Variants in TMEM161B observed in about 807,000 individuals in gnomAD.
TMEM161B encodes the protein transmembrane protein 161B.
In TMEM161B, 34 loss-of-function variants were observed where a neutral mutation model predicts 61.8. That is an observed-to-expected ratio of 0.55 (90% CI 0.42 to 0.73). The LOEUF (loss-of-function observed/expected upper bound fraction) is 0.73, where lower values mean the gene tolerates loss of function less well. Ranked by LOEUF, TMEM161B falls within the 30% of genes least tolerant of loss-of-function variation. The probability of loss-of-function intolerance (pLI) is 0.00; values close to 1 mark genes in which losing one functional copy is unlikely to be tolerated. For missense variants in TMEM161B, 456 were observed against 558.5 expected (o/e 0.82, Z 1.85); for synonymous variants, 167 against 192.8 (o/e 0.87, Z 1.11).
intron 5 of TMEM161B, among the ~76,000 whole-genome samples, chr5:88,219,846 A>G (rs1748589759): frequency 6.6e-6 from 1 of 152,204 alleles, no homozygotes; most frequent in Non-Finnish European, 1.5e-5. Flanking sequence ...TCTGCAAAAA[A>G]GAAAAAGAAT....
chr5:88,266,494 T>G (rs1258277388), intron 1 of TMEM161B, among the ~76,000 whole-genome samples: 1 of 152,202 alleles, frequency 6.6e-6, no homozygotes, highest in African/African-American at 2.4e-5. Context: ...AGTCATGGAA[T>G]CATAAATTTA....
chr5:88,212,919 TAG>T (rs1255198868), intron 5 of TMEM161B, among the ~76,000 whole-genome samples: 3 of 152,226 alleles, frequency 2.0e-5, no homozygotes, highest in Non-Finnish European at 4.4e-5. Flanking sequence ...GGAATAAACA[TAG>T]AGATTTCTCA....
chr5:88,242,331 A>T (rs1028478733), intron 1 of TMEM161B, among the ~76,000 whole-genome samples: 1 of 151,798 alleles, frequency 6.6e-6, no homozygotes, highest in Non-Finnish European at 1.5e-5. Context: ...TCTCAGCAGT[A>T]TCCTACATGG....
At chr5:88,223,909 A>C (rs111584749) in intron 4 of TMEM161B, among the ~76,000 whole-genome samples, 24 of 152,122 alleles carry the variant, frequency 1.6e-4, no homozygotes, top group East Asian at 1.5e-3. Flanking sequence ...AAAAAAAAAA[A>C]CAGTCTAAAT....
intron 11 of TMEM161B, 147 bp downstream of exon 11, chr5:88,197,522 C>T (rs1448711743): frequency 1.5e-6 from 1 of 657,984 alleles, no homozygotes; most frequent in Admixed American, 3.0e-5. Context: ...AATCACCTTC[C>T]ACAGCTAAAA....
intron 4 of TMEM161B, among the ~76,000 whole-genome samples, chr5:88,223,240 GAA>G (rs890504204): frequency 7.6e-6 from 1 of 131,520 alleles, no homozygotes; most frequent in Non-Finnish European, 1.7e-5. Context: ...AATGAGTTAA[GAA>G]AAAAAAAAAA....
At chr5:88,224,959 GT>G (rs202011902) in intron 4 of TMEM161B, among the ~76,000 whole-genome samples, 1 of 101,202 alleles carries the variant, frequency 9.9e-6, no homozygotes, top group Non-Finnish European at 1.9e-5. Context: ...CACAAAATAT[GT>G]TTTTGTTTTT....
At chr5:88,243,403 C>T (rs538015748) in intron 1 of TMEM161B, among the ~76,000 whole-genome samples, 12 of 151,968 alleles carry the variant, frequency 7.9e-5, no homozygotes, top group African/African-American at 2.6e-4. Flanking sequence ...ATCCATGTTG[C>T]TTCAAAGGAA....
intron 7 of TMEM161B, 151 bp downstream of exon 7, chr5:88,206,288 G>A: frequency 1.5e-6 from 1 of 663,026 alleles, no homozygotes; most frequent in Non-Finnish European, 2.5e-6. Flanking sequence ...ACTTTATATA[G>A]TCATAAAAAT....
chr5:88,199,918 G>A (rs1172214445), intron 9 of TMEM161B: 1 of 152,024 alleles, frequency 6.6e-6, no homozygotes, highest in Non-Finnish European at 1.5e-5. Context: ...TGAATGTAGT[G>A]ACTAGACCAC....
downstream of TMEM161B, chr5:88,190,370 T>C (rs1239178466): frequency 1.5e-6 from 1 of 656,986 alleles, no homozygotes; most frequent in Non-Finnish European, 2.8e-6. Flanking sequence ...CCTAGATGGG[T>C]GGTTTCATGC....
chr5:88,238,368 A>G (rs1300018676), intron 2 of TMEM161B, among the ~76,000 whole-genome samples: 1 of 152,064 alleles, frequency 6.6e-6, no homozygotes, highest in African/African-American at 2.4e-5. Flanking sequence ...TTTATTTACA[A>G]TTTAGGATAC....
At chr5:88,249,954 T>C (rs1754113848) in intron 1 of TMEM161B, among the ~76,000 whole-genome samples, 1 of 152,148 alleles carries the variant, frequency 6.6e-6, no homozygotes, top group South Asian at 2.1e-4. Flanking sequence ...AACAAAGTTT[T>C]AACTAACCAA....
rs367948167 is a variant in TMEM161B, at chr5:88,226,541, T to C, written c.192-675A>G. 1.2e-3 allele frequency among the ~76,000 whole-genome samples: 188 copies of C among 152,304 alleles called. 1 individual carries two copies. Among genetic ancestry groups the C allele is most frequent in the African/African-American group, 4.2e-3 (175 of 41,554 alleles). ...TCCTGGGCTCAAACAATTTTCCTGC[T>C]TCAGCCTCTGAGTAGCTGGGACTAC... On this transcript the variant is annotated intron_variant, in intron 3 of 11. Transcript: ENST00000296595.
chr5:88,197,997 T>G, intron 10 of TMEM161B: 1 of 357,976 alleles, frequency 2.8e-6, no homozygotes, highest in Non-Finnish European at 5.1e-6. Flanking sequence ...TCCTTAAAAA[T>G]AATTCTTAAA....
At chr5:88,217,126 C>T (rs905187321) in intron 5 of TMEM161B, among the ~76,000 whole-genome samples, 6 of 152,192 alleles carry the variant, frequency 3.9e-5, no homozygotes, top group Middle Eastern at 3.4e-3. Flanking sequence ...TGTGGTGGCA[C>T]GTGCCTGTAA....
intron 11 of TMEM161B, 132 bp from the exon 12 acceptor site, chr5:88,196,620 A>G: frequency 3.1e-6 from 3 of 962,038 alleles, no homozygotes; most frequent in Non-Finnish European, 4.4e-6. Context: ...TGTTAAAAAT[A>G]AAGTAAAATA....
chr5:88,240,963 T>G (rs1752635710), intron 1 of TMEM161B, 47 bp from the exon 2 acceptor site: 1 of 1,344,576 alleles, frequency 7.4e-7, no homozygotes, highest in African/African-American at 1.5e-5. Context: ...ATTTTGGATT[T>G]GGGGACATTG....
At chr5:88,197,542 G>A in intron 11 of TMEM161B, 127 bp downstream of exon 11, 2 of 802,480 alleles carry the variant, frequency 2.5e-6, no homozygotes, top group Middle Eastern at 2.7e-4. Context: ...ACTTTCCCAT[G>A]GTTCTTTTTA....
Sources: gnomAD v4.1 joint callset for allele counts (sites outside exome capture counted in the v4.1 genomes callset) on GRCh38, gnomAD v4.1.1 for gene constraint, MANE v1.5 for transcripts, NCBI Gene and HGNC (gene_info 2026-07-23, HGNC 2026-07-21) for gene names.